Variants in ROBO2 observed in about 807,000 individuals in gnomAD.
ROBO2 encodes the protein roundabout homolog 2.
In ROBO2, 53 loss-of-function variants were observed where a neutral mutation model predicts 160.8. The observed-to-expected ratio is 0.33, with a 90% confidence interval of 0.26 to 0.41. The LOEUF is 0.41. ROBO2 is among the 10% of genes least tolerant of loss of function. The pLI is 1.00. For missense variants in ROBO2, 1,577 were observed against 1,722.4 expected (o/e 0.92, Z 1.49); for synonymous variants, 664 against 611.7 (o/e 1.09, Z -1.26).
intron 5 of ROBO2, among the ~76,000 whole-genome samples, chr3:77,509,960 G>A (rs924011091): frequency 2.6e-5 from 4 of 152,116 alleles, no homozygotes; most frequent in African/African-American, 7.2e-5. Flanking sequence ...GGAGAGAGAG[G>A]TGGGAGGTAT....
chr3:77,033,319 T>C (rs1206951511), intron 2 of ROBO2, among the ~76,000 whole-genome samples: 1 of 152,196 alleles, frequency 6.6e-6, no homozygotes, highest in Non-Finnish European at 1.5e-5. Flanking sequence ...ATTTTCCTGA[T>C]GACAAGTGAA....
chr3:76,295,051 A>G (rs957075335), intron 2 of ROBO2, among the ~76,000 whole-genome samples: 18 of 152,244 alleles, frequency 1.2e-4, no homozygotes, highest in African/African-American at 4.1e-4. Context: ...ATGTTCTGTC[A>G]ATAAGGTCAA....
chr3:77,006,224 T>G (rs1240332484), intron 2 of ROBO2, among the ~76,000 whole-genome samples: 1 of 151,964 alleles, frequency 6.6e-6, no homozygotes, highest in African/African-American at 2.4e-5. Context: ...ACCATATATG[T>G]GATTAATAGG....
chr3:77,169,509 G>A (rs1255046919), intron 2 of ROBO2, among the ~76,000 whole-genome samples: 1 of 152,084 alleles, frequency 6.6e-6, no homozygotes, highest in Non-Finnish European at 1.5e-5. Context: ...TTTTCCATTA[G>A]TGTTATAGAA....
chr3:76,802,677 A>G (rs990424134), intron 2 of ROBO2, among the ~76,000 whole-genome samples: 4 of 151,732 alleles, frequency 2.6e-5, no homozygotes, highest in East Asian at 2.0e-4. Context: ...GCAGTGAGCC[A>G]AGATGGCGTC....
At chr3:77,326,176 G>A (rs1233324970) in intron 2 of ROBO2, among the ~76,000 whole-genome samples, 1 of 152,126 alleles carries the variant, frequency 6.6e-6, no homozygotes, top group Non-Finnish European at 1.5e-5. Context: ...AGTCGTAAAT[G>A]GAGTTGGTCA....
At chr3:76,382,337 C>G (rs1463773291) in intron 2 of ROBO2, among the ~76,000 whole-genome samples, 1 of 152,178 alleles carries the variant, frequency 6.6e-6, no homozygotes, top group Non-Finnish European at 1.5e-5. Flanking sequence ...GCCTGTAATC[C>G]CAGCACTTTG....
At chr3:76,318,613 A>G (rs1445063389) in intron 2 of ROBO2, among the ~76,000 whole-genome samples, 5 of 152,138 alleles carry the variant, frequency 3.3e-5, no homozygotes, top group Admixed American at 1.3e-4. Context: ...TCATGAATGC[A>G]TAGTTAAGAT....
At chr3:77,046,358 C>T (rs2064669755) in intron 1 of ROBO2, among the ~76,000 whole-genome samples, 1 of 152,000 alleles carries the variant, frequency 6.6e-6, no homozygotes, top group Non-Finnish European at 1.5e-5. Context: ...ATTTCTAATC[C>T]CTTCAGTGGT....
At chr3:76,210,205 GT>G (rs1703057505) in intron 2 of ROBO2, among the ~76,000 whole-genome samples, 1 of 152,048 alleles carries the variant, frequency 6.6e-6, no homozygotes, top group East Asian at 1.9e-4. Context: ...AACCTAATGT[GT>G]AAGTTTGTTA....
chr3:76,146,724 G>GTGTC (rs923511610), intron 2 of ROBO2, among the ~76,000 whole-genome samples: 1 of 149,240 alleles, frequency 6.7e-6, no homozygotes, highest in African/African-American at 2.4e-5. Flanking sequence ...GTGTGTGTGT[G>GTGTC]TGTCTGGTGG....
At chr3:76,261,205 T>TGTGTGTGTGTG (rs201526041) in intron 2 of ROBO2, among the ~76,000 whole-genome samples, 1,613 of 137,322 alleles carry the variant, frequency 0.012, 138 homozygotes, top group Non-Finnish European at 0.017. Flanking sequence ...TGTGTGTGTA[T>TGTGTGTGTGTG]ATATATATAT....
chr3:76,521,818 A>T (rs1375726271), intron 2 of ROBO2, among the ~76,000 whole-genome samples: 1 of 152,172 alleles, frequency 6.6e-6, no homozygotes, highest in Non-Finnish European at 1.5e-5. Context: ...TAGAGTTATT[A>T]TAAATATGGT....
intron 2 of ROBO2, among the ~76,000 whole-genome samples, chr3:76,699,468 G>T (rs768470659): frequency 2.0e-5 from 3 of 151,846 alleles, no homozygotes; most frequent in Non-Finnish European, 2.9e-5. Flanking sequence ...ATTCCTTTTG[G>T]TCCTGTCAAC....
At chr3:75,977,273 G>T (rs2065157959) in intron 2 of ROBO2, among the ~76,000 whole-genome samples, 1 of 151,358 alleles carries the variant, frequency 6.6e-6, no homozygotes, top group Non-Finnish European at 1.5e-5. Flanking sequence ...CAGAAGCAAG[G>T]TCCAAACATA....
intron 2 of ROBO2, among the ~76,000 whole-genome samples, chr3:77,001,697 T>A (rs2061342646): frequency 6.6e-6 from 1 of 152,170 alleles, no homozygotes; most frequent in Admixed American, 6.6e-5. Flanking sequence ...GGCAAGCTCT[T>A]CCTCATAATA....
At chr3:76,427,001 A>G (rs1204518100) in intron 2 of ROBO2, among the ~76,000 whole-genome samples, 1 of 152,158 alleles carries the variant, frequency 6.6e-6, no homozygotes, top group Non-Finnish European at 1.5e-5. Flanking sequence ...TTAGCAACAC[A>G]TAGATGCACG....
intron 2 of ROBO2, among the ~76,000 whole-genome samples, chr3:77,305,867 C>A (rs2063054776): frequency 6.6e-6 from 1 of 152,140 alleles, no homozygotes; most frequent in African/African-American, 2.4e-5. Context: ...CAAGAGTGAA[C>A]CTGAATATCT....
intron 2 of ROBO2, among the ~76,000 whole-genome samples, chr3:76,984,691 A>T (rs1397334818): frequency 6.6e-6 from 1 of 152,174 alleles, no homozygotes; most frequent in East Asian, 1.9e-4. Context: ...TATGAAGAGG[A>T]GGATAAAAGT....
Sources: gnomAD v4.1 joint callset for allele counts (sites outside exome capture counted in the v4.1 genomes callset) on GRCh38, gnomAD v4.1.1 for gene constraint, MANE v1.5 for transcripts, NCBI Gene and HGNC (gene_info 2026-07-23, HGNC 2026-07-21) for gene names.